The following ZNF723 variants were observed in gnomAD, a reference collection of about 807,000 sequenced individuals.
ZNF723 encodes zinc finger protein 723, pseudogene.
A neutral mutation model predicts 9.4 loss-of-function variants in ZNF723; 5 were observed. That is an observed-to-expected ratio of 0.53 (90% CI 0.28 to 1.12). The LOEUF is 1.12. Among genes scored for constraint, ZNF723 ranks in the 50% most tolerant of loss-of-function variants. ZNF723 has a pLI of 0.10. For synonymous variants in ZNF723, 158 were observed against 168.8 expected (o/e 0.94, Z 0.49); for missense variants, 450 against 501.5 (o/e 0.90, Z 0.98).
the ZNF723 span, among the ~76,000 whole-genome samples, chr19:22,821,817 A>G: frequency 6.6e-6 from 1 of 152,212 alleles, no homozygotes. Flanking sequence ...TATAAAATTT[A>G]TGCATAATTG....
intron 1 of ZNF723, among the ~76,000 whole-genome samples, chr19:22,832,927 GCA>G (rs1406312517): frequency 3.9e-5 from 6 of 152,106 alleles, no homozygotes; most frequent in Admixed American, 3.3e-4. Flanking sequence ...CTGTAATCAG[GCA>G]CAGTTACGTA....
chr19:22,813,159 A>G, the ZNF723 span, among the ~76,000 whole-genome samples: 2 of 152,158 alleles, frequency 1.3e-5, no homozygotes, highest in Admixed American at 6.6e-5. Flanking sequence ...TTTTTAGTAG[A>G]GACGGAGTTT....
At chr19:22,814,628 A>G in the ZNF723 span, among the ~76,000 whole-genome samples, 1 of 152,224 alleles carries the variant, frequency 6.6e-6, no homozygotes, top group Non-Finnish European at 1.5e-5. Flanking sequence ...ATTAGACACA[A>G]CATACAGCAG....
At chr19:22,838,347 T>G (rs1425422495) in intron 1 of ZNF723, among the ~76,000 whole-genome samples, 1 of 151,488 alleles carries the variant, frequency 6.6e-6, no homozygotes, top group Non-Finnish European at 1.5e-5. Context: ...AGGTCAGGAG[T>G]TTGAGACCAG....
chr19:22,854,865 T>C (rs1039752714), intron 3 of ZNF723, among the ~76,000 whole-genome samples: 1 of 152,082 alleles, frequency 6.6e-6, no homozygotes, highest in Non-Finnish European at 1.5e-5. Flanking sequence ...CTGACCAACA[T>C]GGAGAAACCC....
chr19:22,835,089 G>A (rs1967150139), intron 1 of ZNF723, among the ~76,000 whole-genome samples: 1 of 118,348 alleles, frequency 8.4e-6, no homozygotes, highest in Admixed American at 8.3e-5. Flanking sequence ...TTTTGAGATG[G>A]AGTTTCTCTC....
chr19:22,840,194 A>G (rs979189627), intron 1 of ZNF723, among the ~76,000 whole-genome samples: 3 of 150,826 alleles, frequency 2.0e-5, no homozygotes, highest in Non-Finnish European at 4.4e-5. Context: ...TTTTTTTGAG[A>G]CGGAGTTTCG....
rs1448352340 is a variant in ZNF723, at chr19:22,857,457, C to A, written c.566C>A (p.Thr189Asn). The change falls in exon 4 of 4, where the codon ACT (threonine) becomes AAT (asparagine). Residue 189 changes from threonine (T) to asparagine (N), a missense_variant. Thr to Asn is a moderately conservative substitution (Grantham distance 65, BLOSUM62 0). Around this residue, in one of 5 missense-constraint regions of ZNF723, gnomAD observed 143 missense variants for 101.3 expected, o/e 1.41. Coordinates refer to ENST00000600766, the MANE Select transcript of ZNF723 (RefSeq NM_001349726.2). Reference sequence around the variant, plus strand: ...TCATTTTGCATGCTTTCACACCTAACTAAACATGAAAGAAATCATACTAGA... The same window carrying A: ...TCATTTTGCATGCTTTCACACCTAAATAAACATGAAAGAAATCATACTAGA... ...GKSFCMLSHL[T>N]KHERNHTRVN... 1.4e-5 allele frequency: 15 copies of A among 1,039,616 alleles called. No individual in the cohort carries two copies. The highest frequency in any genetic ancestry group is 2.0e-5 in the Non-Finnish European group (13 of 663,666). 64.4% of individuals were successfully genotyped at this position (1,039,616 alleles called of 1,614,324 possible).
At chr19:22,856,140 T>G (rs1038491208) in intron 3 of ZNF723, among the ~76,000 whole-genome samples, 3 of 152,088 alleles carry the variant, frequency 2.0e-5, no homozygotes, top group African/African-American at 7.2e-5. Context: ...TTTGTATTTT[T>G]AGTAGAGATG....
intron 1 of ZNF723, among the ~76,000 whole-genome samples, chr19:22,835,836 A>G (rs1568403067): frequency 6.6e-6 from 1 of 152,224 alleles, no homozygotes; most frequent in Non-Finnish European, 1.5e-5. Flanking sequence ...GCTAAATATT[A>G]CAAGATGAAA....
the ZNF723 span, among the ~76,000 whole-genome samples, chr19:22,821,156 G>A: frequency 6.6e-6 from 1 of 152,132 alleles, no homozygotes; most frequent in Non-Finnish European, 1.5e-5. Flanking sequence ...CATAAAGAAG[G>A]TCTTGACTTT....
upstream of ZNF723, chr19:22,832,250 C>A: frequency 9.8e-7 from 1 of 1,017,680 alleles, no homozygotes; most frequent in South Asian, 1.4e-5. Context: ...ATCAGACCCG[C>A]AGCTAGAGCG....
At chr19:22,833,502 C>T (rs1967124729) in intron 1 of ZNF723, among the ~76,000 whole-genome samples, 1 of 152,048 alleles carries the variant, frequency 6.6e-6, no homozygotes, top group Admixed American at 6.6e-5. Context: ...ATGTACCCCC[C>T]AATCCTCCTT....
At chr19:22,819,113 A>G in the ZNF723 span, among the ~76,000 whole-genome samples, 8 of 152,276 alleles carry the variant, frequency 5.3e-5, no homozygotes, top group African/African-American at 1.9e-4. Context: ...CTCAACAGCA[A>G]GGTGATGTTT....
the ZNF723 span, among the ~76,000 whole-genome samples, chr19:22,813,777 A>G: frequency 1.3e-5 from 2 of 151,776 alleles, no homozygotes; most frequent in South Asian, 2.1e-4. Context: ...TGACTATCAT[A>G]TGTGAGCATC....
chr19:22,821,932 A>G, the ZNF723 span, among the ~76,000 whole-genome samples: 1 of 152,150 alleles, frequency 6.6e-6, no homozygotes, highest in Non-Finnish European at 1.5e-5. Flanking sequence ...AATATGGTGA[A>G]ACCCCATCTC....
At position 22,839,466 on chromosome 19, in the gene ZNF723, G is replaced by T. The variant is rs12984232; in HGVS notation, c.3+7084G>T. Among the ~76,000 whole-genome samples, 731 of 124,490 alleles carry T rather than the reference G, an allele frequency of 5.9e-3. 2 individuals carry two copies. The highest frequency in any genetic ancestry group is 0.015 in the African/African-American group (484 of 32,626). 81.7% of individuals were successfully genotyped at this position (124,490 alleles called of 152,430 possible). On this transcript the variant is annotated intron_variant, in intron 1 of 3. Coordinates refer to ENST00000600766, the MANE Select transcript of ZNF723 (RefSeq NM_001349726.2). ...AACCTTGCCAGCATGTTTTTTTTTG[G>T]TTTTTTTTTTTTTTTTTTGAGACAG...
In ZNF723 at chr19:22,835,253, G is replaced by A. The variant is rs979591312; in HGVS notation, c.3+2871G>A. ...GACGGGGTTTCACCACGTTGGCCAG[G>A]CTGGTCCTGAACTCCTGACCTCAGG... On this transcript the variant is annotated intron_variant, in intron 1 of 3. Transcript: ENST00000600766. Among the ~76,000 whole-genome samples, 6 of 151,910 alleles carry A rather than the reference G, an allele frequency of 3.9e-5. No individual in the cohort carries two copies. In the East Asian group the frequency reaches 9.7e-4, roughly 25 times the overall value.
the ZNF723 span, among the ~76,000 whole-genome samples, chr19:22,821,804 G>T: frequency 1.3e-5 from 2 of 152,170 alleles, no homozygotes; most frequent in Non-Finnish European, 2.9e-5. Flanking sequence ...GGTCACAGAG[G>T]TTTATAAAAT....
Sources: allele counts gnomAD v4.1 joint callset (sites outside exome capture counted in the v4.1 genomes callset), GRCh38; gene constraint gnomAD v4.1.1; regional missense constraint gnomAD v4.1.1; transcripts MANE v1.5; gene names NCBI Gene and HGNC (gene_info 2026-07-23, HGNC 2026-07-21).